Variants in PRKG1 observed in about 807,000 individuals in gnomAD.
PRKG1 encodes protein kinase cGMP-dependent 1.
A neutral mutation model predicts 88.1 loss-of-function variants in PRKG1; 35 were observed. The observed-to-expected ratio is 0.40, with a 90% CI of 0.30 to 0.53. The LOEUF is 0.53. PRKG1 is among the 20% of genes least tolerant of loss of function. PRKG1 has a pLI of 0.59. For missense variants in PRKG1, 540 were observed against 839.8 expected, an observed-to-expected ratio of 0.64 and a Z score of 4.41; for synonymous variants, 303 against 292.5, an observed-to-expected ratio of 1.04 and a Z score of -0.37.
chr10:51,857,627 T>A (rs572421523), intron 4 of PRKG1, among the ~76,000 whole-genome samples: 1 of 152,172 alleles, frequency 6.6e-6, no homozygotes, highest in Non-Finnish European at 1.5e-5. Context: ...TGGCTTTGTT[T>A]GCGTGTTATT....
chr10:51,223,079 C>A (rs1838594043), intron 2 of PRKG1, among the ~76,000 whole-genome samples: 1 of 151,772 alleles, frequency 6.6e-6, no homozygotes, highest in African/African-American at 2.4e-5. Context: ...TACAAGTAAA[C>A]AATAGAGGAA....
chr10:52,047,468 A>G (rs1317611797), intron 5 of PRKG1, among the ~76,000 whole-genome samples: 2 of 152,190 alleles, frequency 1.3e-5, no homozygotes, highest in East Asian at 1.9e-4. Context: ...AACTGGCTCC[A>G]GAATAGATTT....
At position 51,728,449 on chromosome 10, in the gene PRKG1, C is replaced by CTTTTTTTTT. The variant is rs201683049; in HGVS notation, c.593-76133_593-76132insTTTTTTTTT. On this transcript the variant is annotated intron_variant, in intron 3 of 17. Coordinates refer to ENST00000373980, the MANE Select transcript of PRKG1 (RefSeq NM_006258.4). ...AAACAATAGCAAAATTCCATTTTTT[C>CTTTTTTTTT]TTTGTTTTTTTTTTTTTTTTTTTTT... Among the ~76,000 whole-genome samples the CTTTTTTTTT allele has an allele frequency of 1.1e-3, 66 of 57,854 alleles. 3 individuals are homozygous for CTTTTTTTTT. Among genetic ancestry groups the CTTTTTTTTT allele is most frequent in the African/African-American group, 2.5e-3 (36 of 14,532 alleles). The allele number at this position is 57,854 out of a possible 152,430, so 38.0% of individuals were successfully genotyped here. A position where few individuals can be genotyped will look rare whatever the true frequency, so the allele number is the denominator to read the frequency against.
intron 1 of PRKG1, among the ~76,000 whole-genome samples, chr10:51,120,901 G>T (rs552905420): frequency 2.6e-5 from 4 of 152,222 alleles, no homozygotes; most frequent in African/African-American, 9.6e-5. Context: ...AGTCTTGTAG[G>T]TTAGAAGTCT....
At chr10:52,105,333 A>T (rs116829494) in intron 7 of PRKG1, among the ~76,000 whole-genome samples, 1,533 of 152,328 alleles carry the variant, frequency 0.01, 23 homozygotes, top group African/African-American at 0.031. Flanking sequence ...TGCGTTTTAC[A>T]GTTGGTTCTT....
chr10:52,263,048 G>GT, intron 10 of PRKG1, among the ~76,000 whole-genome samples: 1 of 152,100 alleles, frequency 6.6e-6, no homozygotes, highest in East Asian at 1.9e-4. Flanking sequence ...GACAAGATAA[G>GT]TTTTAAAGAA....
chr10:51,676,354 G>A (rs1840710141), intron 3 of PRKG1, among the ~76,000 whole-genome samples: 1 of 151,442 alleles, frequency 6.6e-6, no homozygotes, highest in Admixed American at 6.6e-5. Context: ...CATTGGTTCA[G>A]GCCAAACAAA....
chr10:52,079,308 C>T (rs1846709108), intron 7 of PRKG1, among the ~76,000 whole-genome samples: 1 of 151,896 alleles, frequency 6.6e-6, no homozygotes. Context: ...TCATCATATC[C>T]CAGTATATCA....
At chr10:52,237,261 G>C (rs1249182914) in intron 9 of PRKG1, among the ~76,000 whole-genome samples, 1 of 145,782 alleles carries the variant, frequency 6.9e-6, no homozygotes, top group Non-Finnish European at 1.5e-5. Context: ...ACTGGCACAA[G>C]ACAGGGATGC....
intron 7 of PRKG1, among the ~76,000 whole-genome samples, chr10:52,130,796 A>G (rs1837231549): frequency 6.6e-6 from 1 of 152,224 alleles, no homozygotes; most frequent in South Asian, 2.1e-4. Flanking sequence ...CGAATTGAAA[A>G]TACATTGCTT....
At chr10:51,410,786 AAT>A in intron 2 of PRKG1, among the ~76,000 whole-genome samples, 1 of 151,746 alleles carries the variant, frequency 6.6e-6, no homozygotes, top group Non-Finnish European at 1.5e-5. Context: ...ATATAAAATA[AAT>A]ATGTTAAATA....
At chr10:51,007,180 C>T (rs190486248) in intron 1 of PRKG1, among the ~76,000 whole-genome samples, 4 of 152,044 alleles carry the variant, frequency 2.6e-5, no homozygotes, top group African/African-American at 9.6e-5. Flanking sequence ...CTCCTGACCT[C>T]GTGATCCACC....
Position 52,094,148 on chromosome 10 carries a change from G to A in PRKG1, c.935+31517G>A, listed in dbSNP as rs1035556745. 5.3e-5 allele frequency among the ~76,000 whole-genome samples: 8 copies of A among 152,080 alleles called. No homozygotes were observed. The East Asian group carries it at 1.5e-3, about 29-fold the overall frequency. On this transcript the variant is annotated intron_variant, in intron 7 of 17. Coordinates refer to ENST00000373980, the MANE Select transcript of PRKG1 (RefSeq NM_006258.4). Reference sequence around the variant, plus strand: ...AATAGATTAATGAAAGAACTGTCTTGAAAATATGGTAAATATTCTTGTAGT... The same window carrying A: ...AATAGATTAATGAAAGAACTGTCTTAAAAATATGGTAAATATTCTTGTAGT...
chr10:51,554,921 A>G (rs1837271614), intron 3 of PRKG1, among the ~76,000 whole-genome samples: 1 of 151,894 alleles, frequency 6.6e-6, no homozygotes, highest in Non-Finnish European at 1.5e-5. Flanking sequence ...GTAACTGTTA[A>G]GGGCAGTGTA....
At chr10:52,025,921 T>C (rs992607553) in intron 5 of PRKG1, among the ~76,000 whole-genome samples, 10 of 151,338 alleles carry the variant, frequency 6.6e-5, no homozygotes, top group African/African-American at 2.4e-4. Context: ...CAAACTATAC[T>C]ACAAGGCTAC....
chr10:51,336,121 G>A (rs1564451638), intron 2 of PRKG1, among the ~76,000 whole-genome samples: 1 of 152,156 alleles, frequency 6.6e-6, no homozygotes. Context: ...GGGAGGCCAA[G>A]GTGGGCAGGT....
chr10:51,918,957 C>T (rs561243571), intron 5 of PRKG1, among the ~76,000 whole-genome samples: 3 of 152,214 alleles, frequency 2.0e-5, no homozygotes, highest in South Asian at 2.1e-4. Flanking sequence ...GAAGCCCACT[C>T]GTGCTTACAA....
chr10:51,777,749 A>G (rs1025746811), intron 3 of PRKG1, among the ~76,000 whole-genome samples: 9 of 152,138 alleles, frequency 5.9e-5, no homozygotes, highest in African/African-American at 1.7e-4. Context: ...TGGCCTAAAA[A>G]TTCTCTGAGC....
chr10:51,971,613 A>G (rs1448057692), intron 5 of PRKG1, among the ~76,000 whole-genome samples: 3 of 152,086 alleles, frequency 2.0e-5, no homozygotes, highest in Non-Finnish European at 4.4e-5. Context: ...TAATTACTTC[A>G]GTCTACTGTT....
Sources: allele counts gnomAD v4.1 joint callset (sites outside exome capture counted in the v4.1 genomes callset), GRCh38; gene constraint gnomAD v4.1.1; transcripts MANE v1.5; gene names NCBI Gene and HGNC (gene_info 2026-07-23, HGNC 2026-07-21).